Variants in ATP13A4 observed in about 807,000 individuals in gnomAD.
ATP13A4 encodes the protein probable cation-transporting ATPase 13A4.
A neutral mutation model predicts 142.5 loss-of-function variants in ATP13A4; 114 were observed. The ratio of observed to expected loss-of-function variants is 0.80; its 90% CI spans 0.69 to 0.93. The LOEUF (loss-of-function observed/expected upper bound fraction) is 0.93, where lower values mean the gene tolerates loss of function less well. Ranked by LOEUF, ATP13A4 falls within the 40% of genes least tolerant of loss-of-function variation. The pLI is 0.00. For missense variants in ATP13A4, 1,392 were observed against 1,454.0 expected, an observed-to-expected ratio of 0.96 and a Z score of 0.69; for synonymous variants, 488 against 514.8, an observed-to-expected ratio of 0.95 and a Z score of 0.70.
intron 2 of ATP13A4, among the ~76,000 whole-genome samples, chr3:193,507,299 C>G (rs541502480): frequency 6.6e-6 from 1 of 152,224 alleles, no homozygotes; most frequent in East Asian, 1.9e-4. Flanking sequence ...AGACCCATAA[C>G]TTTGGTAAAA....
chr3:193,404,255 AACC>A (rs1714383928), intron 29 of ATP13A4: 3 of 521,260 alleles, frequency 5.8e-6, no homozygotes, highest in Non-Finnish European at 7.3e-6. Context: ...AAATAGATGA[AACC>A]ACACACACAC....
intron 1 of ATP13A4, among the ~76,000 whole-genome samples, chr3:193,541,046 G>A (rs898364237): frequency 2.6e-5 from 4 of 151,946 alleles, no homozygotes; most frequent in East Asian, 1.9e-4. Flanking sequence ...TCAGGAGATC[G>A]AGAGCATCCT....
At chr3:193,579,492 A>ATATATATATATATATATAT (rs1724485099) in intron 2 of ATP13A4, 2 of 149,836 alleles carry the variant, frequency 1.3e-5, no homozygotes, top group Non-Finnish European at 1.5e-5. Flanking sequence ...TATGTATTGT[A>ATATATATATATATATATAT]ATATATATAT....
At chr3:193,531,655 G>C (rs1362332822) in intron 1 of ATP13A4, among the ~76,000 whole-genome samples, 2 of 152,286 alleles carry the variant, frequency 1.3e-5, no homozygotes, top group East Asian at 3.9e-4. Flanking sequence ...TATTGTCTAA[G>C]GCTGAGAAAA....
chr3:193,471,111 G>C, intron 8 of ATP13A4, 118 bp from the exon 9 acceptor site: 10 of 1,359,924 alleles, frequency 7.4e-6, no homozygotes, highest in Non-Finnish European at 1.0e-5. Flanking sequence ...TTTTAGAAAG[G>C]AGAACATTCC....
intron 26 of ATP13A4, among the ~76,000 whole-genome samples, chr3:193,414,035 G>A (rs916171032): frequency 3.3e-5 from 5 of 152,062 alleles, no homozygotes; most frequent in African/African-American, 7.2e-5. Context: ...ATGTCACCAC[G>A]GAGGCCCAAC....
intron 1 of ATP13A4, 54 bp downstream of exon 1, chr3:193,554,677 TGTGTGTGTG>T: frequency 6.8e-7 from 1 of 1,461,222 alleles, no homozygotes; most frequent in Non-Finnish European, 9.6e-7. Flanking sequence ...TGTGTGTGTG[TGTGTGTGTG>T]TCTCGCAGGC....
chr3:193,531,319 G>GGAGGGAAGGAAGGAA (rs1389639393), intron 1 of ATP13A4, among the ~76,000 whole-genome samples: 1 of 123,468 alleles, frequency 8.1e-6, no homozygotes, highest in Non-Finnish European at 1.7e-5. Context: ...AGGAAGGAAG[G>GGAGGGAAGGAAGGAA]AAGGAAGGAA....
At chr3:193,523,677 C>G (rs1721845713) in intron 1 of ATP13A4, among the ~76,000 whole-genome samples, 1 of 152,218 alleles carries the variant, frequency 6.6e-6, no homozygotes, top group African/African-American at 2.4e-5. Flanking sequence ...AGTGCTTCAT[C>G]TGGTTATTCA....
intron 1 of ATP13A4, among the ~76,000 whole-genome samples, chr3:193,547,961 G>T (rs1012317459): frequency 1.3e-5 from 2 of 152,128 alleles, no homozygotes; most frequent in Non-Finnish European, 2.9e-5. Context: ...AATCCTCCTT[G>T]GTTAGCACAG....
At chr3:193,493,220 C>A in intron 3 of ATP13A4, 60 bp from the exon 4 acceptor site, 2 of 1,386,360 alleles carry the variant, frequency 1.4e-6, no homozygotes, top group Non-Finnish European at 2.0e-6. Context: ...AAACAGCAAC[C>A]CAGTGGCTAA....
chr3:193,582,704 TA>T (rs1213080913), intron 1 of ATP13A4, among the ~76,000 whole-genome samples: 2 of 57,686 alleles, frequency 3.5e-5, no homozygotes, highest in East Asian at 4.0e-4. Context: ...ATAACATATA[TA>T]ATATATATGT....
At chr3:193,426,734 A>G (rs1715687263) in intron 25 of ATP13A4, among the ~76,000 whole-genome samples, 1 of 151,922 alleles carries the variant, frequency 6.6e-6, no homozygotes, top group Non-Finnish European at 1.5e-5. Flanking sequence ...TATTAATACC[A>G]TTTAATGAAG....
chr3:193,468,378 G>A (rs1043213705), intron 9 of ATP13A4, among the ~76,000 whole-genome samples: 8 of 152,272 alleles, frequency 5.3e-5, no homozygotes, highest in African/African-American at 1.9e-4. Context: ...AATAATCACA[G>A]GAATCCCAGT....
At position 193,400,000 on chromosome 3, in the gene ATP13A4, T is replaced by A. The variant is rs1032610463; in HGVS notation, c.*2652A>T. Among the ~76,000 whole-genome samples the A allele has an allele frequency of 1.3e-5, 2 of 152,206 alleles. No individual in the cohort carries two copies. Among genetic ancestry groups the A allele is most frequent in the Non-Finnish European group, 2.9e-5 (2 of 68,032 alleles). ...CTTGAATAGCCACTTGTTCCTCCAA[T>A]GTCCTAGAGTACATTCCACTGCTAT... On this transcript the variant is annotated 3_prime_UTR_variant, in exon 30 of 30. Transcript: ENST00000342695.
At chr3:193,436,653 C>T (rs1228494199) in intron 23 of ATP13A4, among the ~76,000 whole-genome samples, 1 of 151,386 alleles carries the variant, frequency 6.6e-6, no homozygotes, top group Non-Finnish European at 1.5e-5. Context: ...GGTTTCATCA[C>T]GTTGGCCAAG....
intron 29 of ATP13A4, among the ~76,000 whole-genome samples, chr3:193,404,927 T>C (rs1230877620): frequency 6.6e-6 from 1 of 152,170 alleles, no homozygotes; most frequent in Non-Finnish European, 1.5e-5. Context: ...AGCATACCTA[T>C]ATAAACACAT....
intron 9 of ATP13A4, among the ~76,000 whole-genome samples, chr3:193,468,614 G>A (rs997262085): frequency 1.3e-5 from 2 of 152,166 alleles, no homozygotes; most frequent in Non-Finnish European, 1.5e-5. Flanking sequence ...GGGTGTGGTG[G>A]TGCATGCCTA....
At chr3:193,584,197 G>C (rs1311768677) in intron 1 of ATP13A4, among the ~76,000 whole-genome samples, 1 of 152,120 alleles carries the variant, frequency 6.6e-6, no homozygotes, top group African/African-American at 2.4e-5. Context: ...GATTATCTAG[G>C]TAGGCTGATC....
Sources: gnomAD v4.1 joint callset for allele counts (sites outside exome capture counted in the v4.1 genomes callset) on GRCh38, gnomAD v4.1.1 for gene constraint, MANE v1.5 for transcripts, NCBI Gene and HGNC (gene_info 2026-07-23, HGNC 2026-07-21) for gene names.